IL1RAPL1: variants seen among roughly 807,000 people sequenced by gnomAD.
IL1RAPL1 encodes the protein interleukin 1 receptor accessory protein like 1.
In IL1RAPL1, 3 loss-of-function variants were observed where a neutral mutation model predicts 48.4. That is an observed-to-expected ratio of 0.06 (90% CI 0.03 to 0.16). The LOEUF is 0.16. Among genes scored for constraint, IL1RAPL1 ranks in the 10% least tolerant of loss-of-function variants. The probability of loss-of-function intolerance (pLI) is 1.00; values close to 1 mark genes in which losing one functional copy is unlikely to be tolerated. For synonymous variants in IL1RAPL1, 185 were observed against 187.7 expected, an observed-to-expected ratio of 0.99 and a Z score of 0.12; for missense variants, 349 against 530.6, an observed-to-expected ratio of 0.66 and a Z score of 3.36.
intron 3 of IL1RAPL1, among the ~76,000 whole-genome samples, chrX:29,373,829 T>A (rs1444443902): frequency 9.3e-6 from 1 of 107,154 alleles, no homozygotes; most frequent in African/African-American, 3.4e-5. Context: ...TTATTTTTTT[T>A]AATTTTTAAT....
At chrX:29,948,579 TAAG>T (rs909199579) in intron 9 of IL1RAPL1, among the ~76,000 whole-genome samples, 6 of 111,600 alleles carry the variant, frequency 5.4e-5, no homozygotes, top group African/African-American at 1.3e-4. Context: ...ATCTGAGACA[TAAG>T]AAGAAATGTG....
At chrX:29,919,628 A>C (rs1451223521) in intron 7 of IL1RAPL1, among the ~76,000 whole-genome samples, 1 of 112,511 alleles carries the variant, frequency 8.9e-6, no homozygotes, top group Non-Finnish European at 1.9e-5. Context: ...CTCAACTTAC[A>C]TAATATTTCT....
intron 5 of IL1RAPL1, among the ~76,000 whole-genome samples, chrX:29,605,247 G>A (rs1923858003): frequency 1.8e-5 from 2 of 111,068 alleles, no homozygotes; most frequent in Admixed American, 1.9e-4. Context: ...GAATAAGGCT[G>A]AAGATCACAG....
At chrX:28,968,844 G>A (rs1483360278) in intron 2 of IL1RAPL1, among the ~76,000 whole-genome samples, 1 of 112,762 alleles carries the variant, frequency 8.9e-6, no homozygotes, top group African/African-American at 3.2e-5. Context: ...ACCAGGAACA[G>A]TGGTGGGAAT....
chrX:29,888,837 G>A (rs745974758), intron 6 of IL1RAPL1, among the ~76,000 whole-genome samples: 35 of 111,636 alleles, frequency 3.1e-4, no homozygotes, highest in African/African-American at 1.1e-3. Flanking sequence ...CGAGTGACTG[G>A]TTGTTCCACA....
At chrX:29,416,939 T>A (rs906966915) in intron 5 of IL1RAPL1, among the ~76,000 whole-genome samples, 2 of 111,735 alleles carry the variant, frequency 1.8e-5, no homozygotes, top group African/African-American at 6.5e-5. Context: ...TGGTTCATTT[T>A]TCCTAATATT....
intron 6 of IL1RAPL1, among the ~76,000 whole-genome samples, chrX:29,915,915 A>T (rs1196297978): frequency 2.2e-5 from 1 of 45,796 alleles, no homozygotes; most frequent in Admixed American, 3.4e-4. Flanking sequence ...CCACCCCACC[A>T]CAGTCCCCAG....
intron 5 of IL1RAPL1, among the ~76,000 whole-genome samples, chrX:29,528,542 C>G (rs776073393): frequency 1.0e-3 from 116 of 111,925 alleles, no homozygotes; most frequent in African/African-American, 3.6e-3. Context: ...TTTATTTTTT[C>G]TTTCAGTTTC....
At chrX:28,912,861 T>TA (rs1245727179) in intron 2 of IL1RAPL1, among the ~76,000 whole-genome samples, 1 of 111,827 alleles carries the variant, frequency 8.9e-6, no homozygotes, top group African/African-American at 3.2e-5. Flanking sequence ...TAGCTCAGTT[T>TA]AAAAAAATGG....
At chrX:28,983,589 G>A (rs1925395205) in intron 2 of IL1RAPL1, among the ~76,000 whole-genome samples, 1 of 111,474 alleles carries the variant, frequency 9.0e-6, no homozygotes, top group Non-Finnish European at 1.9e-5. Context: ...TTTGTCATGG[G>A]GGCATTTTTG....
intron 5 of IL1RAPL1, among the ~76,000 whole-genome samples, chrX:29,489,408 A>G (rs1935132266): frequency 8.9e-6 from 1 of 112,044 alleles, no homozygotes; most frequent in Non-Finnish European, 1.9e-5. Flanking sequence ...ATTTTACTAC[A>G]TGTAATGTTT....
chrX:28,873,761 G>A (rs1922289763), intron 2 of IL1RAPL1, among the ~76,000 whole-genome samples: 1 of 106,622 alleles, frequency 9.4e-6, no homozygotes, highest in South Asian at 4.1e-4. Context: ...TGGATCTCCT[G>A]ACCTCGTGAT....
chrX:29,803,235 GTATATATGTATA>G (rs1930099589), intron 6 of IL1RAPL1, among the ~76,000 whole-genome samples: 1 of 32,664 alleles, frequency 3.1e-5, no homozygotes, highest in Non-Finnish European at 5.8e-5. Context: ...ATACACACAT[GTATATATGTATA>G]CATATACACA....
At chrX:29,773,740 G>A (rs1929124396) in intron 6 of IL1RAPL1, among the ~76,000 whole-genome samples, 1 of 111,787 alleles carries the variant, frequency 8.9e-6, no homozygotes, top group South Asian at 3.8e-4. Context: ...GTCTGTAAAT[G>A]TGTTGGGTGG....
chrX:29,705,277 C>T (rs1209326728), intron 6 of IL1RAPL1, among the ~76,000 whole-genome samples: 3 of 111,690 alleles, frequency 2.7e-5, no homozygotes, highest in Non-Finnish European at 5.6e-5. Context: ...TACAGTGGCA[C>T]AATCTTGGCT....
At chrX:29,317,697 T>C (rs1313249547) in intron 3 of IL1RAPL1, among the ~76,000 whole-genome samples, 4 of 112,403 alleles carry the variant, frequency 3.6e-5, no homozygotes, top group Non-Finnish European at 5.6e-5. Context: ...AAATACAATA[T>C]GTCTTCTGGG....
At chrX:28,926,803 A>G (rs1030895401) in intron 2 of IL1RAPL1, among the ~76,000 whole-genome samples, 1 of 111,125 alleles carries the variant, frequency 9.0e-6, no homozygotes, top group African/African-American at 3.3e-5. Context: ...TTTTTACTTC[A>G]TTGAGGAAAA....
chrX:29,446,292 T>C (rs1181347888), intron 5 of IL1RAPL1, among the ~76,000 whole-genome samples: 1 of 111,931 alleles, frequency 8.9e-6, no homozygotes, highest in Non-Finnish European at 1.9e-5. Context: ...GAACCTCATT[T>C]TATTACATCT....
In IL1RAPL1 at chrX:29,955,611, T is replaced by A; in HGVS notation, c.1882T>A (p.Tyr628Asn). Residue 628 changes from tyrosine to asparagine, a missense_variant, in exon 11 of 11, where the codon TAT (tyrosine) becomes AAT (asparagine). By Grantham distance (143) the Tyr-to-Asn change is moderately radical. This residue lies in a region of IL1RAPL1 where 65 missense variants were observed against 79.6 expected (regional missense o/e 0.82). Transcript: ENST00000378993. ...QMRQKHYYRS[Y>N]EYDVPPTGTL... ...GCGTCAGAAACACTACTACCGAAGCTATGAGTACGACGTACCTCCTACCGG... is the reference window on the plus strand; with the variant it reads ...GCGTCAGAAACACTACTACCGAAGCAATGAGTACGACGTACCTCCTACCGG... 2.5e-6 allele frequency: 3 copies of A among 1,208,259 alleles called. No homozygotes were observed. The highest frequency in any genetic ancestry group is 3.4e-6 in the Non-Finnish European group (3 of 893,249).
Sources: gnomAD v4.1 joint callset for allele counts (sites outside exome capture counted in the v4.1 genomes callset) on GRCh38, gnomAD v4.1.1 for gene constraint, gnomAD v4.1.1 regional missense constraint, MANE v1.5 for transcripts, NCBI Gene and HGNC (gene_info 2026-07-23, HGNC 2026-07-21) for gene names.